Variants in AKAP13 observed in about 807,000 individuals in gnomAD.
AKAP13 encodes the protein A-kinase anchor protein 13.
A neutral mutation model predicts 264.5 loss-of-function variants in AKAP13; 80 were observed. The observed-to-expected ratio is 0.30, with a 90% confidence interval of 0.25 to 0.36. The LOEUF (loss-of-function observed/expected upper bound fraction) is 0.36, where lower values mean the gene tolerates loss of function less well. AKAP13 is among the 10% of genes least tolerant of loss of function. The pLI, the probability that AKAP13 is intolerant of heterozygous loss-of-function variation, is 1.00. For synonymous variants in AKAP13, 1,380 were observed against 1,250.2 expected, an observed-to-expected ratio of 1.10 and a Z score of -2.19; for missense variants, 3,712 against 3,435.2, an observed-to-expected ratio of 1.08 and a Z score of -2.01.
At chr15:85,384,715 TG>T (rs1214989617) in intron 1 of AKAP13, among the ~76,000 whole-genome samples, 3 of 127,500 alleles carry the variant, frequency 2.4e-5, no homozygotes, top group Admixed American at 7.8e-5. Context: ...AGACTCCGTC[TG>T]AAAAAAAAAA....
chr15:85,472,309 C>G (rs530259974), intron 1 of AKAP13, among the ~76,000 whole-genome samples: 1 of 150,062 alleles, frequency 6.7e-6, no homozygotes, highest in East Asian at 2.0e-4. Flanking sequence ...GAGTTGGAGT[C>G]TAGCCTGGTC....
chr15:85,680,467 A>T (rs2084526562), intron 14 of AKAP13, among the ~76,000 whole-genome samples: 1 of 152,226 alleles, frequency 6.6e-6, no homozygotes, highest in African/African-American at 2.4e-5. Context: ...AAATGAACAG[A>T]AGAAGAACCC....
At position 85,507,479 on chromosome 15, in the gene AKAP13, G is replaced by T. The variant is rs370040166; in HGVS notation, c.34-13949G>T. ...TACCATCTGAGTCTTCACAGATAAA[G>T]TTTGCCAATCCTGATATTAGATGAA... On this transcript the variant is annotated intron_variant, in intron 2 of 36. Coordinates refer to ENST00000394518, the MANE Select transcript of AKAP13 (RefSeq NM_007200.5). Among the ~76,000 whole-genome samples the T allele has an allele frequency of 1.8e-4, 28 of 151,918 alleles. No homozygotes were observed. The East Asian group carries it at 4.8e-3, about 26-fold the overall frequency.
At chr15:85,408,482 T>C (rs1166263686) in intron 1 of AKAP13, among the ~76,000 whole-genome samples, 5 of 151,718 alleles carry the variant, frequency 3.3e-5, no homozygotes, top group African/African-American at 1.2e-4. Context: ...AACTTTCTAT[T>C]TCTCTCTCCT....
intron 8 of AKAP13, among the ~76,000 whole-genome samples, chr15:85,625,585 A>G (rs1480840377): frequency 1.3e-5 from 2 of 152,182 alleles, no homozygotes; most frequent in African/African-American, 4.8e-5. Context: ...GGCCAGGCAC[A>G]GTGGCTCACA....
In AKAP13 at chr15:85,505,755, G is replaced by A. The variant is rs528526271; in HGVS notation, c.34-15673G>A. ...GTTTCAAGAATGCGTTTTATTTTGAGGGATGTGGATACTATCTTAGTATTT... is the reference window on the plus strand; with the variant it reads ...GTTTCAAGAATGCGTTTTATTTTGAAGGATGTGGATACTATCTTAGTATTT... On this transcript the variant is annotated intron_variant, in intron 2 of 36. Transcript: ENST00000394518. 1.5e-3 allele frequency among the ~76,000 whole-genome samples: 226 copies of A among 152,230 alleles called. 1 individual carries two copies. The highest frequency in any genetic ancestry group is 5.1e-3 in the African/African-American group (211 of 41,542).
chr15:85,707,171 T>G (rs1225759628), intron 17 of AKAP13, among the ~76,000 whole-genome samples: 1 of 152,218 alleles, frequency 6.6e-6, no homozygotes, highest in African/African-American at 2.4e-5. Flanking sequence ...TTTCATTTGT[T>G]TCTGCTTTAC....
chr15:85,384,967 A>G (rs1349015500), intron 1 of AKAP13, among the ~76,000 whole-genome samples: 1 of 152,132 alleles, frequency 6.6e-6, no homozygotes. Flanking sequence ...TGCCTGGGGA[A>G]TGTGGATATC....
intron 5 of AKAP13, among the ~76,000 whole-genome samples, chr15:85,567,942 GT>G (rs2078665596): frequency 1.8e-3 from 9 of 4,926 alleles, no homozygotes; most frequent in South Asian, 0.013. Flanking sequence ...GCCCAAAGAG[GT>G]GTGTGTGTGT....
At chr15:85,610,559 A>G (rs950522866) in intron 8 of AKAP13, among the ~76,000 whole-genome samples, 2 of 152,264 alleles carry the variant, frequency 1.3e-5, no homozygotes, top group African/African-American at 2.4e-5. Flanking sequence ...GTTCTTAACA[A>G]TCTAAATTAT....
At chr15:85,621,450 T>C (rs2081180781) in intron 8 of AKAP13, 1 of 152,230 alleles carries the variant, frequency 6.6e-6, no homozygotes, top group South Asian at 2.1e-4. Flanking sequence ...ATTTTTGTCC[T>C]CATATAATGT....
intron 2 of AKAP13, among the ~76,000 whole-genome samples, chr15:85,491,933 C>T (rs192337806): frequency 1.8e-4 from 28 of 152,290 alleles, no homozygotes; most frequent in Middle Eastern, 6.8e-3. Flanking sequence ...GAGAAAGCTG[C>T]ATCGTTACTT....
chr15:85,402,246 C>A (rs931798871), intron 1 of AKAP13, among the ~76,000 whole-genome samples: 6 of 152,162 alleles, frequency 3.9e-5, no homozygotes, highest in African/African-American at 1.4e-4. Context: ...CAGAGTAGTT[C>A]CACTTTCCTC....
chr15:85,662,246 A>G lies in AKAP13; in HGVS notation c.4800-2317A>G, dbSNP rs1157113876. 3 of 692,616 alleles carry G rather than the reference A, an allele frequency of 4.3e-6. No homozygotes were observed. The African/African-American group carries it at 5.4e-5, about 12-fold the overall frequency. The allele number at this position is 692,616 out of a possible 1,614,324, so 42.9% of individuals were successfully genotyped here. On this transcript the variant is annotated intron_variant, in intron 12 of 36. Coordinates refer to ENST00000394518, the MANE Select transcript of AKAP13 (RefSeq NM_007200.5). Reference sequence around the variant, plus strand: ...TATTATAGCCTTTTTAAAAATTGTCAGTGTTACATTCCTAAATTTTTTGTT... The same window carrying G: ...TATTATAGCCTTTTTAAAAATTGTCGGTGTTACATTCCTAAATTTTTTGTT...
intron 12 of AKAP13, among the ~76,000 whole-genome samples, chr15:85,664,024 T>TC (rs568642369): frequency 2.2e-4 from 33 of 152,330 alleles, no homozygotes; most frequent in Non-Finnish European, 4.4e-4. Context: ...ATGGTAACAC[T>TC]CATGAGTAAC....
intron 1 of AKAP13, among the ~76,000 whole-genome samples, chr15:85,479,166 T>C (rs953255388): frequency 1.3e-5 from 2 of 152,266 alleles, no homozygotes; most frequent in African/African-American, 4.8e-5. Flanking sequence ...GCGTATTTAC[T>C]TTTTGTATCC....
rs958315072 is a variant in AKAP13, at chr15:85,585,683, A to T, written c.4040-19A>T. ...ATCAGTTTTTAAAAATGTACTCTGT[A>T]ACCCCCCTGCACTTTCAGAAATGCC... On this transcript the variant is annotated intron_variant, in intron 7 of 36. Transcript: ENST00000394518. 1 of 1,613,946 alleles carries T rather than the reference A, an allele frequency of 6.2e-7. No individual in the cohort carries two copies. Among genetic ancestry groups the T allele is most frequent in the African/African-American group, 1.3e-5 (1 of 74,938 alleles).
chr15:85,592,896 T>C (rs1205954224), intron 8 of AKAP13, among the ~76,000 whole-genome samples: 1 of 152,194 alleles, frequency 6.6e-6, no homozygotes, highest in African/African-American at 2.4e-5. Flanking sequence ...AATTTAATGA[T>C]CTAGTTGTAC....
chr15:85,487,591 G>A (rs2075595698), intron 2 of AKAP13, among the ~76,000 whole-genome samples: 1 of 152,114 alleles, frequency 6.6e-6, no homozygotes, highest in Admixed American at 6.5e-5. Context: ...ATGGAGATGG[G>A]GCCTTGCTCT....
Sources: allele counts gnomAD v4.1 joint callset (sites outside exome capture counted in the v4.1 genomes callset), GRCh38; gene constraint gnomAD v4.1.1; transcripts MANE v1.5; gene names NCBI Gene and HGNC (gene_info 2026-07-23, HGNC 2026-07-21).